PAK3: variants seen among roughly 807,000 people sequenced by gnomAD.
PAK3 encodes the protein serine/threonine-protein kinase PAK 3.
A neutral mutation model predicts 41.0 loss-of-function variants in PAK3; 4 were observed. That is an observed-to-expected ratio of 0.10 (90% CI 0.05 to 0.22). PAK3 has a LOEUF of 0.22. Among genes scored for constraint, PAK3 ranks in the 10% least tolerant of loss-of-function variants. The pLI, the probability that PAK3 is intolerant of heterozygous loss-of-function variation, is 1.00. For missense variants in PAK3, 205 were observed against 409.9 expected (o/e 0.50, Z 4.32); for synonymous variants, 146 against 139.6 (o/e 1.05, Z -0.32).
At chrX:110,948,337 T>C (rs1220694060) in intron 1 of PAK3, among the ~76,000 whole-genome samples, 1 of 111,640 alleles carries the variant, frequency 9.0e-6, no homozygotes, top group South Asian at 3.8e-4. Flanking sequence ...CTAATTGTCT[T>C]TCAGAAGCAT....
At chrX:111,171,775 A>C (rs2094344830) in intron 10 of PAK3, among the ~76,000 whole-genome samples, 1 of 111,482 alleles carries the variant, frequency 9.0e-6, no homozygotes, top group Non-Finnish European at 1.9e-5. Flanking sequence ...AATAATGAAA[A>C]CATTCTAAAA....
chrX:111,109,834 C>T (rs1254171956), intron 4 of PAK3, among the ~76,000 whole-genome samples: 4 of 112,323 alleles, frequency 3.6e-5, no homozygotes, highest in African/African-American at 9.7e-5. Flanking sequence ...GCCCTAAGAA[C>T]ATTCATGTTC....
Position 111,123,183 on chromosome X carries a change from C to T in PAK3, c.80C>T (p.Ala27Val). ...RMNSNNRDSS[A>V]LNHSSKPLPM... is the part of the protein sequence containing the mutation. ...AATAGTAACAACCGGGATTCTTCAG[C>T]ACTCAACCACAGCTCCAAACCACTT... The change falls in exon 5 of 18, where the codon GCA (alanine) becomes GTA (valine). Residue 27 changes from alanine (A) to valine (V), a missense_variant. Ala to Val is a moderately conservative substitution (Grantham distance 64). Coordinates refer to ENST00000372007, the MANE Select transcript of PAK3 (RefSeq NM_002578.5). 8.3e-7 allele frequency: 1 copy of T among 1,200,100 alleles called. No homozygotes were observed. Among genetic ancestry groups the T allele is most frequent in the African/African-American group, 1.7e-5 (1 of 57,640 alleles).
At chrX:111,078,280 T>A (rs2148834231) in intron 1 of PAK3, among the ~76,000 whole-genome samples, 1 of 110,016 alleles carries the variant, frequency 9.1e-6, no homozygotes, top group Admixed American at 9.6e-5. Flanking sequence ...TGTTTTTTTT[T>A]TTTTACAAAT....
chrX:111,071,995 G>A (rs1203432555), intron 1 of PAK3, among the ~76,000 whole-genome samples: 1 of 111,891 alleles, frequency 8.9e-6, no homozygotes, highest in Admixed American at 9.5e-5. Flanking sequence ...ATGTTCTCTG[G>A]TTACTTGGTC....
chrX:111,141,978 A>C (rs764144268), intron 5 of PAK3, 118 bp from the exon 6 acceptor site: 1 of 536,715 alleles, frequency 1.9e-6, no homozygotes, highest in Non-Finnish European at 3.4e-6. Context: ...GTGTTGTTAA[A>C]ATTGTGTTGG....
intron 1 of PAK3, among the ~76,000 whole-genome samples, chrX:111,057,540 A>C (rs2092614873): frequency 8.9e-6 from 1 of 111,975 alleles, no homozygotes; most frequent in African/African-American, 3.2e-5. Context: ...TACAAAAATT[A>C]ACAATAATTT....
chrX:110,955,882 T>C (rs181577499), intron 1 of PAK3, among the ~76,000 whole-genome samples: 180 of 112,116 alleles, frequency 1.6e-3, no homozygotes, highest in African/African-American at 5.4e-3. Context: ...ATGTTTTCCC[T>C]GGCAAAAGAG....
chrX:111,159,634 G>T (rs761216306), intron 8 of PAK3, among the ~76,000 whole-genome samples: 1 of 111,483 alleles, frequency 9.0e-6, no homozygotes, highest in African/African-American at 3.3e-5. Context: ...CCCCTGAAAT[G>T]CCCTGAAGAA....
intron 5 of PAK3, among the ~76,000 whole-genome samples, chrX:111,128,596 A>C (rs968135347): frequency 9.0e-6 from 1 of 111,718 alleles, no homozygotes; most frequent in East Asian, 2.8e-4. Context: ...TCTAACTCCA[A>C]ACCCTATGCT....
intron 5 of PAK3, among the ~76,000 whole-genome samples, chrX:111,129,792 A>G (rs1031438399): frequency 9.0e-6 from 1 of 111,635 alleles, no homozygotes; most frequent in East Asian, 2.8e-4. Context: ...GGTGGAGAAG[A>G]TACAGAGGAT....
At chrX:111,025,006 C>T (rs2092248229) in intron 1 of PAK3, among the ~76,000 whole-genome samples, 1 of 111,141 alleles carries the variant, frequency 9.0e-6, no homozygotes, top group South Asian at 3.8e-4. Flanking sequence ...CCCTCAAAAC[C>T]ATGCAAATAC....
intron 8 of PAK3, among the ~76,000 whole-genome samples, chrX:111,160,517 C>G (rs1309161527): frequency 9.2e-6 from 1 of 108,437 alleles, no homozygotes; most frequent in East Asian, 2.9e-4. Flanking sequence ...GCACAACGTG[C>G]AGGTTTGTTA....
chrX:111,044,492 T>C (rs189528681), intron 1 of PAK3, among the ~76,000 whole-genome samples: 7 of 112,139 alleles, frequency 6.2e-5, no homozygotes, highest in Admixed American at 1.9e-4. Context: ...CCTGGTCTTC[T>C]CCTTTCCTTT....
chrX:111,177,428 A>G (rs2094417999), intron 11 of PAK3, among the ~76,000 whole-genome samples: 1 of 112,476 alleles, frequency 8.9e-6, no homozygotes, highest in African/African-American at 3.2e-5. Flanking sequence ...GTTTGAGGCC[A>G]TATCTGTGAG....
chrX:111,223,451 T>A lies in PAK3; in HGVS notation c.*3004T>A, dbSNP rs2094937909. On this transcript the variant is annotated 3_prime_UTR_variant, in exon 18 of 18. Coordinates refer to ENST00000372007, the MANE Select transcript of PAK3 (RefSeq NM_002578.5). ...CGTTCTTGCTGATCTCGTGTGTGTG[T>A]CATTGTAAATATTTGTGTGTCCATG... 1 of 107,651 alleles carries A rather than the reference T, an allele frequency of 9.3e-6. No individual in the cohort carries two copies. The highest frequency in any genetic ancestry group is 1.9e-5 in the Non-Finnish European group (1 of 52,216). The allele number at this position is 107,651 out of a possible 1,213,427, so 8.9% of individuals were successfully genotyped here. A position where few individuals can be genotyped will look rare whatever the true frequency, so the allele number is the denominator to read the frequency against.
chrX:111,216,218 C>T (rs1266921962), intron 16 of PAK3, among the ~76,000 whole-genome samples: 4 of 111,509 alleles, frequency 3.6e-5, no homozygotes, highest in South Asian at 3.8e-4. Context: ...GGAGGTAGGA[C>T]GACACTTCAC....
chrX:111,094,776 C>A (rs1402754195), upstream of PAK3, among the ~76,000 whole-genome samples: 1 of 105,721 alleles, frequency 9.5e-6, no homozygotes, highest in Non-Finnish European at 1.9e-5. Context: ...GCAACCTCCA[C>A]CTCCTGGGTT....
intron 16 of PAK3, among the ~76,000 whole-genome samples, chrX:111,214,068 C>T (rs745738198): frequency 3.6e-5 from 4 of 111,355 alleles, no homozygotes; most frequent in South Asian, 3.8e-4. Context: ...ATGTTCATTT[C>T]GTAGGGGTGA....
Sources: gnomAD v4.1 joint callset for allele counts (sites outside exome capture counted in the v4.1 genomes callset) on GRCh38, gnomAD v4.1.1 for gene constraint, MANE v1.5 for transcripts, NCBI Gene and HGNC (gene_info 2026-07-23, HGNC 2026-07-21) for gene names.